The following CTNNA2 variants were observed in gnomAD, a reference collection of about 807,000 sequenced individuals.
The protein encoded by CTNNA2 is catenin alpha 2.
In CTNNA2, 42 loss-of-function variants were observed where a neutral mutation model predicts 101.0. That is an observed-to-expected ratio of 0.42 (90% CI 0.32 to 0.54). The LOEUF (loss-of-function observed/expected upper bound fraction) is 0.54. Ranked by LOEUF, CTNNA2 falls within the 20% of genes least tolerant of loss-of-function variation. CTNNA2 has a pLI of 0.14. For synonymous variants in CTNNA2, 450 were observed against 456.4 expected, an observed-to-expected ratio of 0.99 and a Z score of 0.18; for missense variants, 871 against 1,223.1, an observed-to-expected ratio of 0.71 and a Z score of 4.29.
chr2:79,876,309 T>C (rs530193848), intron 6 of CTNNA2, among the ~76,000 whole-genome samples: 1 of 152,278 alleles, frequency 6.6e-6, no homozygotes, highest in Non-Finnish European at 1.5e-5. Flanking sequence ...ACACAGATAT[T>C]AAAACATTGT....
At chr2:79,351,078 T>C (rs764335738) in intron 3 of CTNNA2, among the ~76,000 whole-genome samples, 1 of 152,208 alleles carries the variant, frequency 6.6e-6, no homozygotes, top group Non-Finnish European at 1.5e-5. Flanking sequence ...TTTAATTCTG[T>C]AGGTTACCTT....
At chr2:80,540,395 G>A (rs1280852106) in intron 9 of CTNNA2, among the ~76,000 whole-genome samples, 2 of 151,996 alleles carry the variant, frequency 1.3e-5, no homozygotes, top group African/African-American at 4.8e-5. Context: ...CTAGGAGTTC[G>A]AGACCAGCCT....
At position 80,323,382 on chromosome 2, in the gene CTNNA2, C is replaced by A. The variant is rs1678912224; in HGVS notation, c.1057-69829C>A. Among the ~76,000 whole-genome samples the A allele has an allele frequency of 2.6e-5, 4 of 152,178 alleles. No homozygotes were observed. In the South Asian group the frequency reaches 8.3e-4, roughly 32 times the overall value. On this transcript the variant is annotated intron_variant, in intron 7 of 18. Coordinates refer to ENST00000402739, the MANE Select transcript of CTNNA2 (RefSeq NM_001282597.3). ...CTCCTTTCTTTCTTCCCCTTCATTT[C>A]TAGCTTTTCCTCTTCTCTCTTTCCT...
chr2:80,554,080 A>C (rs1040362009), intron 11 of CTNNA2, among the ~76,000 whole-genome samples: 5 of 152,212 alleles, frequency 3.3e-5, no homozygotes, highest in African/African-American at 4.8e-5. Flanking sequence ...AAGAAATCAC[A>C]CTGTATGAGG....
intron 2 of CTNNA2, among the ~76,000 whole-genome samples, chr2:79,220,438 C>T (rs1204336268): frequency 6.6e-6 from 1 of 152,038 alleles, no homozygotes; most frequent in Non-Finnish European, 1.5e-5. Context: ...TTTCTACCAC[C>T]TCAACGAGCA....
chr2:79,736,484 T>C (rs1670887050), intron 2 of CTNNA2, among the ~76,000 whole-genome samples: 1 of 152,198 alleles, frequency 6.6e-6, no homozygotes, highest in African/African-American at 2.4e-5. Flanking sequence ...TTATCAAATA[T>C]ATTACTAGTT....
At chr2:80,113,741 C>T (rs1701352842) in intron 7 of CTNNA2, among the ~76,000 whole-genome samples, 2 of 152,060 alleles carry the variant, frequency 1.3e-5, no homozygotes, top group South Asian at 4.1e-4. Flanking sequence ...TTCTCATGGA[C>T]AAGAGTGGGT....
chr2:79,384,454 C>T (rs1285832819), intron 4 of CTNNA2, among the ~76,000 whole-genome samples: 4 of 137,060 alleles, frequency 2.9e-5, no homozygotes, highest in Non-Finnish European at 6.1e-5. Flanking sequence ...CAAAGTAAGG[C>T]ATCTTATTTC....
intron 6 of CTNNA2, among the ~76,000 whole-genome samples, chr2:79,877,800 T>C (rs927399131): frequency 1.3e-5 from 2 of 152,286 alleles, no homozygotes; most frequent in South Asian, 4.1e-4. Context: ...AAATGCAAAA[T>C]ATATTTTCAT....
chr2:80,080,914 A>G (rs555347437), intron 7 of CTNNA2, among the ~76,000 whole-genome samples: 1 of 150,646 alleles, frequency 6.6e-6, no homozygotes, highest in African/African-American at 2.4e-5. Context: ...ACTGTCAGAA[A>G]GAAACCACTC....
At chr2:79,528,475 A>G (rs1404250118) in intron 1 of CTNNA2, among the ~76,000 whole-genome samples, 3 of 152,098 alleles carry the variant, frequency 2.0e-5, no homozygotes, top group Non-Finnish European at 4.4e-5. Context: ...GGAATTAGAT[A>G]ATGGTGATGG....
At position 80,209,434 on chromosome 2, in the gene CTNNA2, G is replaced by A. The variant is rs186149772; in HGVS notation, c.1057-183777G>A. 5.2e-3 allele frequency among the ~76,000 whole-genome samples: 784 copies of A among 152,010 alleles called. 3 individuals are homozygous for A. The highest frequency in any genetic ancestry group is 8.2e-3 in the Admixed American group (125 of 15,246). ...TTGAACTCCTGACCTCAGGTGATCCGCCCGCCTCGGCCTCCCAAAGTGCTG... is the reference window on the plus strand; with the variant it reads ...TTGAACTCCTGACCTCAGGTGATCCACCCGCCTCGGCCTCCCAAAGTGCTG... On this transcript the variant is annotated intron_variant, in intron 7 of 18. Coordinates refer to ENST00000402739, the MANE Select transcript of CTNNA2 (RefSeq NM_001282597.3).
rs184252540 is a variant in CTNNA2, at chr2:79,439,433, G to A, written c.-135+65420G>A. Among the ~76,000 whole-genome samples, 98 of 152,308 alleles carry A rather than the reference G, an allele frequency of 6.4e-4. 2 individuals are homozygous for A. The East Asian group carries it at 0.015, about 23-fold the overall frequency. ...CTAAGAAGACAGGAGAATGGTGTCT[G>A]ACTGCTGATGGGTACAGAGTTTCTT... On this transcript the variant is annotated intron_variant, in intron 4 of 21. Coordinates refer to the CTNNA2 transcript ENST00000466387.
In CTNNA2 at chr2:80,099,539, A is replaced by T. The variant is rs560823849; in HGVS notation, c.1056+189742A>T. Reference sequence around the variant, plus strand: ...TTTACTTGGGAGAACCATGTTAAATACCTTTGGAGTTTTAAATGACTGGTA... The same window carrying T: ...TTTACTTGGGAGAACCATGTTAAATTCCTTTGGAGTTTTAAATGACTGGTA... On this transcript the variant is annotated intron_variant, in intron 7 of 18. Coordinates refer to ENST00000402739, the MANE Select transcript of CTNNA2 (RefSeq NM_001282597.3). Among the ~76,000 whole-genome samples the T allele has an allele frequency of 6.6e-5, 10 of 152,266 alleles. No individual in the cohort carries two copies. In the South Asian group the frequency reaches 2.1e-3, roughly 32 times the overall value.
chr2:79,470,817 A>C (rs1670989968), intron 4 of CTNNA2, among the ~76,000 whole-genome samples: 1 of 152,204 alleles, frequency 6.6e-6, no homozygotes, highest in African/African-American at 2.4e-5. Flanking sequence ...ACTTTGGTGC[A>C]TACACGGAGT....
intron 8 of CTNNA2, among the ~76,000 whole-genome samples, chr2:80,407,710 C>T (rs889582062): frequency 6.6e-6 from 1 of 152,152 alleles, no homozygotes; most frequent in Non-Finnish European, 1.5e-5. Context: ...TCTTAAATAG[C>T]GACAGCACCA....
intron 6 of CTNNA2, among the ~76,000 whole-genome samples, chr2:79,887,923 TA>T (rs1684008506): frequency 6.6e-6 from 1 of 152,172 alleles, no homozygotes; most frequent in Non-Finnish European, 1.5e-5. Context: ...CAGCATTCTT[TA>T]TCCTACACTG....
chr2:79,279,123 G>A (rs1675293359), intron 2 of CTNNA2, among the ~76,000 whole-genome samples: 1 of 151,994 alleles, frequency 6.6e-6, no homozygotes, highest in African/African-American at 2.4e-5. Context: ...ATATAATTTT[G>A]AATCTCTTAC....
At chr2:80,213,173 T>G (rs1708016374) in intron 7 of CTNNA2, among the ~76,000 whole-genome samples, 1 of 152,204 alleles carries the variant, frequency 6.6e-6, no homozygotes, top group Non-Finnish European at 1.5e-5. Context: ...AGCTACTGGA[T>G]TCATTGATTT....
Sources: gnomAD v4.1 joint callset for allele counts (sites outside exome capture counted in the v4.1 genomes callset) on GRCh38, gnomAD v4.1.1 for gene constraint, MANE v1.5 for transcripts, NCBI Gene and HGNC (gene_info 2026-07-23, HGNC 2026-07-21) for gene names.